Variants in DPP10 observed in about 807,000 individuals in gnomAD.
DPP10 encodes dipeptidyl peptidase like 10.
A neutral mutation model predicts 120.9 loss-of-function variants in DPP10; 33 were observed. That is an observed-to-expected ratio of 0.27 (90% CI 0.21 to 0.37). DPP10 has a LOEUF of 0.37. DPP10 is among the 10% of genes least tolerant of loss of function. DPP10 has a pLI of 1.00. For missense variants in DPP10, 816 were observed against 942.8 expected (o/e 0.87, Z 1.76); for synonymous variants, 337 against 326.1 (o/e 1.03, Z -0.36).
chr2:114,562,505 G>A (rs1279776049), intron 1 of DPP10, among the ~76,000 whole-genome samples: 2 of 152,206 alleles, frequency 1.3e-5, no homozygotes, highest in Non-Finnish European at 2.9e-5. Context: ...AATCAAGCCT[G>A]TTGGGGAAAG....
At chr2:115,377,634 A>G (rs1003070337) in intron 3 of DPP10, among the ~76,000 whole-genome samples, 20 of 152,264 alleles carry the variant, frequency 1.3e-4, no homozygotes, top group African/African-American at 4.1e-4. Context: ...GCCCATGCCT[A>G]TGTCCTGAAT....
chr2:115,366,782 A>G (rs989520448), intron 3 of DPP10, among the ~76,000 whole-genome samples: 8 of 151,904 alleles, frequency 5.3e-5, no homozygotes, highest in African/African-American at 1.9e-4. Flanking sequence ...TCAAATTCCA[A>G]CTGTTGCATT....
chr2:115,403,381 CTTTTTTTTTTTTTTTTTTTTTTT>C (rs78116780), intron 3 of DPP10, among the ~76,000 whole-genome samples: 1 of 118,386 alleles, frequency 8.4e-6, no homozygotes, highest in African/African-American at 3.6e-5. Flanking sequence ...TTCTTTCCTT[CTTTTTTTTTTTTTTTTTTTTTTT>C]TTTTTTTTTT....
intron 1 of DPP10, among the ~76,000 whole-genome samples, chr2:114,779,447 A>C (rs534039959): frequency 3.3e-5 from 5 of 152,186 alleles, no homozygotes; most frequent in Non-Finnish European, 7.4e-5. Context: ...AAGTTATCTC[A>C]TATCTAGGGT....
intron 1 of DPP10, among the ~76,000 whole-genome samples, chr2:115,147,709 A>G (rs868198984): frequency 2.0e-5 from 3 of 152,288 alleles, no homozygotes; most frequent in African/African-American, 7.2e-5. Context: ...TGACAAATCC[A>G]TAGTGTAGAA....
At chr2:114,926,095 CA>C (rs1695600156) in intron 1 of DPP10, among the ~76,000 whole-genome samples, 1 of 152,182 alleles carries the variant, frequency 6.6e-6, no homozygotes, top group Admixed American at 6.5e-5. Flanking sequence ...AGGTCCAATT[CA>C]GCCTCTGGAG....
At chr2:115,040,366 A>G (rs1489473335) in intron 1 of DPP10, among the ~76,000 whole-genome samples, 2 of 152,080 alleles carry the variant, frequency 1.3e-5, no homozygotes, top group Non-Finnish European at 2.9e-5. Flanking sequence ...ACACACTCAT[A>G]TGTACCTTTT....
In DPP10 at chr2:115,543,111, A is replaced by G. The variant is rs115428918; in HGVS notation, c.441+17139A>G. Among the ~76,000 whole-genome samples, 395 of 152,142 alleles carry G rather than the reference A, an allele frequency of 2.6e-3. 1 individual carries two copies. Among genetic ancestry groups the G allele is most frequent in the African/African-American group, 9.2e-3 (382 of 41,556 alleles). ...CTCAGTTGGGGGATGCAAAAGGAATAGAATTTACTGGAAGAACAGAGATAG... is the reference window on the plus strand; with the variant it reads ...CTCAGTTGGGGGATGCAAAAGGAATGGAATTTACTGGAAGAACAGAGATAG... On this transcript the variant is annotated intron_variant, in intron 5 of 25. Coordinates refer to ENST00000410059, the MANE Select transcript of DPP10 (RefSeq NM_020868.6).
chr2:115,027,276 G>A (rs996452694), intron 1 of DPP10, among the ~76,000 whole-genome samples: 7 of 152,028 alleles, frequency 4.6e-5, no homozygotes, highest in African/African-American at 1.7e-4. Context: ...TAAGTCATCT[G>A]CGCATAAAGC....
chr2:114,936,718 G>C (rs6733911), intron 1 of DPP10, among the ~76,000 whole-genome samples: 35,500 of 151,802 alleles, frequency 0.23, 4,257 homozygotes, highest in East Asian at 0.37. Context: ...ACAGTGTAGA[G>C]GTATTAACTT....
At position 115,723,622 on chromosome 2, in the gene DPP10, G is replaced by T. The variant is rs111641811; in HGVS notation, c.577-4194G>T. On this transcript the variant is annotated intron_variant, in intron 7 of 25. Transcript: ENST00000410059. Reference sequence around the variant, plus strand: ...TTTGTTGTTGTTGTTGTTGTTTTTTGTTTTTTTTTTTTTTTACACGGCTAG... The same window carrying T: ...TTTGTTGTTGTTGTTGTTGTTTTTTTTTTTTTTTTTTTTTTACACGGCTAG... 9.0e-3 allele frequency among the ~76,000 whole-genome samples: 1,289 copies of T among 142,894 alleles called. 22 individuals carry two copies. The highest frequency in any genetic ancestry group is 0.032 in the African/African-American group (1,208 of 37,818). 93.7% of individuals were successfully genotyped at this position (142,894 alleles called of 152,430 possible).
Position 114,619,381 on chromosome 2 carries a change from A to G in DPP10, c.60+176543A>G, listed in dbSNP as rs866650601. ...TATATGTGTGTGTATATATATACAT[A>G]TGTGTGTGTGTGTGTGTGTGTGTGT... On this transcript the variant is annotated intron_variant, in intron 1 of 25. Coordinates refer to ENST00000410059, the MANE Select transcript of DPP10 (RefSeq NM_020868.6). Among the ~76,000 whole-genome samples the G allele has an allele frequency of 7.7e-3, 1,122 of 146,406 alleles. 9 individuals are homozygous for G. The highest frequency in any genetic ancestry group is 0.026 in the African/African-American group (1,064 of 40,298).
At chr2:115,220,445 C>G (rs993447228) in intron 1 of DPP10, among the ~76,000 whole-genome samples, 1 of 152,090 alleles carries the variant, frequency 6.6e-6, no homozygotes, top group African/African-American at 2.4e-5. Context: ...AGCATGGTGT[C>G]TCACACCTGT....
intron 1 of DPP10, among the ~76,000 whole-genome samples, chr2:115,300,655 A>G (rs2061085435): frequency 6.6e-6 from 1 of 152,018 alleles, no homozygotes; most frequent in Non-Finnish European, 1.5e-5. Flanking sequence ...GTTTTGTTAG[A>G]TATATCACAA....
chr2:115,493,536 A>G (rs530993328), intron 3 of DPP10, among the ~76,000 whole-genome samples: 59 of 151,258 alleles, frequency 3.9e-4, no homozygotes, highest in African/African-American at 1.4e-3. Context: ...AAAAGCCTAC[A>G]GCTGAGTTTG....
intron 3 of DPP10, among the ~76,000 whole-genome samples, chr2:115,402,089 T>A (rs1435999596): frequency 6.6e-6 from 1 of 152,130 alleles, no homozygotes; most frequent in Non-Finnish European, 1.5e-5. Context: ...CCCTTGGACT[T>A]CAGGACAAAG....
intron 1 of DPP10, among the ~76,000 whole-genome samples, chr2:114,863,043 A>T (rs1042389795): frequency 6.6e-6 from 1 of 152,168 alleles, no homozygotes; most frequent in African/African-American, 2.4e-5. Context: ...TGCCAGGGAA[A>T]AAGTGTGTGT....
chr2:114,958,879 C>T (rs1486839931), intron 1 of DPP10, among the ~76,000 whole-genome samples: 1 of 152,070 alleles, frequency 6.6e-6, no homozygotes, highest in Non-Finnish European at 1.5e-5. Flanking sequence ...AGGCTTTTTA[C>T]ATTTTCCAGG....
intron 5 of DPP10, among the ~76,000 whole-genome samples, chr2:115,592,304 G>A (rs1382322628): frequency 6.6e-6 from 1 of 152,160 alleles, no homozygotes; most frequent in Non-Finnish European, 1.5e-5. Flanking sequence ...AAAGGAAGAG[G>A]CTTGACTGGC....
Sources: allele counts gnomAD v4.1 joint callset (sites outside exome capture counted in the v4.1 genomes callset), GRCh38; gene constraint gnomAD v4.1.1; transcripts MANE v1.5; gene names NCBI Gene and HGNC (gene_info 2026-07-23, HGNC 2026-07-21).